The following WDFY3 variants were observed in gnomAD, a reference collection of about 807,000 sequenced individuals.
WDFY3 encodes WD repeat and FYVE domain-containing protein 3.
Under a neutral mutation model 409.6 loss-of-function variants are expected in WDFY3, and 66 were observed. That is an observed-to-expected ratio of 0.16 (90% confidence interval 0.13 to 0.20). WDFY3 has a LOEUF of 0.20. Among genes scored for constraint, WDFY3 ranks in the 10% least tolerant of loss-of-function variants. The pLI is 1.00. For missense variants in WDFY3, 3,031 were observed against 4,298.1 expected (o/e 0.71, Z 8.24); for synonymous variants, 1,521 against 1,537.1 (o/e 0.99, Z 0.25).
chr4:84,843,206 C>G (rs1328501994), intron 5 of WDFY3, among the ~76,000 whole-genome samples: 1 of 152,148 alleles, frequency 6.6e-6, no homozygotes, highest in Non-Finnish European at 1.5e-5. Context: ...TGAAAGAGAT[C>G]TGGATAGGGC....
chr4:84,734,246 CAAAT>C (rs1737065301), intron 43 of WDFY3, among the ~76,000 whole-genome samples: 3 of 152,022 alleles, frequency 2.0e-5, no homozygotes, highest in Non-Finnish European at 4.4e-5. Flanking sequence ...TATCAAATGA[CAAAT>C]ATATAACATT....
chr4:84,702,708 A>G (rs1015757108), intron 55 of WDFY3, among the ~76,000 whole-genome samples: 8 of 152,226 alleles, frequency 5.3e-5, no homozygotes, highest in African/African-American at 1.9e-4. Context: ...TTCTCTCTGC[A>G]TTTGTTTTTA....
At chr4:84,922,298 G>C (rs527424270) in intron 2 of WDFY3, among the ~76,000 whole-genome samples, 5 of 152,080 alleles carry the variant, frequency 3.3e-5, no homozygotes, top group Admixed American at 1.3e-4. Flanking sequence ...AGGACAAAAA[G>C]CTTGCTTCTT....
chr4:84,686,559 T>C (rs1319329084), intron 62 of WDFY3, among the ~76,000 whole-genome samples: 4 of 152,180 alleles, frequency 2.6e-5, no homozygotes, highest in Non-Finnish European at 4.4e-5. Flanking sequence ...TGCAGCATCC[T>C]TCAAGAGGAA....
In WDFY3 at chr4:84,709,355, C is replaced by T; in HGVS notation, c.8043-8G>A. On this transcript the variant is annotated splice_polypyrimidine_tract_variant and splice_region_variant and intron_variant, in intron 51 of 67. Coordinates refer to ENST00000295888, the MANE Select transcript of WDFY3 (RefSeq NM_014991.6). ...GTGCTAAGTAACCCAGATCTAAAAG[C>T]AATACATAATACAATAAATTACAAG... The T allele has an allele frequency of 6.2e-7, 1 of 1,601,626 alleles. No homozygotes were observed. Among genetic ancestry groups the T allele is most frequent in the Non-Finnish European group, 8.5e-7 (1 of 1,175,580 alleles).
chr4:84,931,149 A>T (rs1461855353), intron 2 of WDFY3, among the ~76,000 whole-genome samples: 2 of 152,182 alleles, frequency 1.3e-5, no homozygotes, highest in Non-Finnish European at 2.9e-5. Flanking sequence ...GGGTCTTGGA[A>T]CATATCCCTC....
At chr4:84,946,500 G>A (rs1027139894) in intron 1 of WDFY3, among the ~76,000 whole-genome samples, 1 of 152,184 alleles carries the variant, frequency 6.6e-6, no homozygotes, top group African/African-American at 2.4e-5. Flanking sequence ...TCTGGATATG[G>A]TACTTCAACT....
intron 3 of WDFY3, among the ~76,000 whole-genome samples, chr4:84,882,374 T>C (rs1354162654): frequency 6.6e-6 from 1 of 152,188 alleles, no homozygotes; most frequent in African/African-American, 2.4e-5. Flanking sequence ...TATTCAACTT[T>C]TAGTGGCTAG....
intron 2 of WDFY3, among the ~76,000 whole-genome samples, chr4:84,914,487 A>G (rs1323242763): frequency 6.6e-6 from 1 of 152,186 alleles, no homozygotes. Flanking sequence ...GGGAGAGTCA[A>G]AAGTTATACA....
chr4:84,873,086 G>A (rs551856655), intron 3 of WDFY3, among the ~76,000 whole-genome samples: 46 of 152,282 alleles, frequency 3.0e-4, no homozygotes, highest in African/African-American at 1.0e-3. Context: ...ATTGGAGTTT[G>A]AGACAGCACT....
intron 59 of WDFY3, 139 bp from the exon 60 acceptor site, chr4:84,691,924 G>C (rs1009403397): frequency 3.4e-6 from 3 of 894,894 alleles, no homozygotes; most frequent in Middle Eastern, 3.7e-4. Context: ...CTCTGAAATA[G>C]AGCTGGGCTT....
intron 2 of WDFY3, among the ~76,000 whole-genome samples, chr4:84,922,347 A>G (rs1769398581): frequency 6.6e-6 from 1 of 152,220 alleles, no homozygotes; most frequent in Admixed American, 6.5e-5. Flanking sequence ...AAGAAAACAA[A>G]CTAAACAGAG....
chr4:84,898,869 C>T (rs991346222), intron 2 of WDFY3, among the ~76,000 whole-genome samples: 1 of 152,182 alleles, frequency 6.6e-6, no homozygotes, highest in Non-Finnish European at 1.5e-5. Flanking sequence ...TGGCTACTAA[C>T]CTAAGATTTA....
At chr4:84,895,408 A>T (rs1765501444) in intron 3 of WDFY3, among the ~76,000 whole-genome samples, 1 of 152,264 alleles carries the variant, frequency 6.6e-6, no homozygotes, top group African/African-American at 2.4e-5. Context: ...AGACAAGTTC[A>T]TTCAGCTGAC....
At chr4:84,871,463 T>C (rs1762120704) in intron 3 of WDFY3, among the ~76,000 whole-genome samples, 1 of 152,054 alleles carries the variant, frequency 6.6e-6, no homozygotes, top group Non-Finnish European at 1.5e-5. Context: ...CTTCCTCAGA[T>C]AAGCAAAAAC....
intron 2 of WDFY3, among the ~76,000 whole-genome samples, chr4:84,927,995 G>A (rs915448788): frequency 1.3e-5 from 2 of 152,212 alleles, no homozygotes; most frequent in Admixed American, 1.3e-4. Flanking sequence ...AATGATTGGG[G>A]TGTCCCAGGT....
chr4:84,867,885 T>C (rs1761614783), intron 3 of WDFY3, among the ~76,000 whole-genome samples: 1 of 152,092 alleles, frequency 6.6e-6, no homozygotes, highest in South Asian at 2.1e-4. Flanking sequence ...TTATAAGCAA[T>C]TCCTGCCGGG....
Position 84,787,718 on chromosome 4 carries a change from A to C in WDFY3, c.3670-5T>G. ...AGTACTGTGGACATAATGAAGCTGT[A>C]AGGAAGACAAAAGCAAATGTGTGAG... On this transcript the variant is annotated splice_polypyrimidine_tract_variant and splice_region_variant and intron_variant, in intron 22 of 67. Transcript: ENST00000295888. The C allele has an allele frequency of 6.2e-7, 1 of 1,601,122 alleles. No homozygotes were observed. Among genetic ancestry groups the C allele is most frequent in the Non-Finnish European group, 8.6e-7 (1 of 1,169,266 alleles).
chr4:84,949,138 T>C (rs1337956538), intron 1 of WDFY3, among the ~76,000 whole-genome samples: 1 of 152,138 alleles, frequency 6.6e-6, no homozygotes, highest in East Asian at 1.9e-4. Context: ...TGCATAATAG[T>C]TACCTCTGCC....
Sources: allele counts gnomAD v4.1 joint callset (sites outside exome capture counted in the v4.1 genomes callset), GRCh38; gene constraint gnomAD v4.1.1; transcripts MANE v1.5; gene names NCBI Gene and HGNC (gene_info 2026-07-23, HGNC 2026-07-21).